The following PCDHGB5 variants were observed in gnomAD, a reference collection of about 807,000 sequenced individuals.
PCDHGB5 encodes protocadherin gamma subfamily B, 5.
In PCDHGB5, 48 loss-of-function variants were observed where a neutral mutation model predicts 62.9. The ratio of observed to expected loss-of-function variants is 0.76; its 90% CI spans 0.61 to 0.97. The LOEUF is 0.97. Among genes scored for constraint, PCDHGB5 ranks in the 50% least tolerant of loss-of-function variants. The pLI is 0.00. For missense variants in PCDHGB5, 1,118 were observed against 1,198.6 expected (o/e 0.93, Z 0.99); for synonymous variants, 474 against 511.2 (o/e 0.93, Z 0.98).
At chr5:141,438,914 C>T (rs1249997741) in intron 1 of PCDHGB5, among the ~76,000 whole-genome samples, 1 of 151,906 alleles carries the variant, frequency 6.6e-6, no homozygotes, top group Non-Finnish European at 1.5e-5. Flanking sequence ...GATCCACCTG[C>T]CTTGGCCTCC....
chr5:141,409,953 CCGG>C (rs1418234891), intron 1 of PCDHGB5: 2 of 1,613,280 alleles, frequency 1.2e-6, no homozygotes, highest in Non-Finnish European at 1.7e-6. Flanking sequence ...TCTGCAGAGC[CCGG>C]CTACCTAGTG....
rs2097456240 is a variant in PCDHGB5, at chr5:141,432,134, G to T, written c.2397+31610G>T. 3 of 1,613,756 alleles carry T rather than the reference G, an allele frequency of 1.9e-6. No individual in the cohort carries two copies. The highest frequency in any genetic ancestry group is 1.3e-5 in the African/African-American group (1 of 74,800). On this transcript the variant is annotated intron_variant, in intron 1 of 3. Coordinates refer to ENST00000617380, the MANE Select transcript of PCDHGB5 (RefSeq NM_018925.3). This position sits in a 1 kb window ranked among gnomAD's most constrained non-coding sequence, Gnocchi z 6.0. The stretch of plus-strand genomic sequence containing the variant: ...GGTCTTCCCTCAGGCCTCCTATTCC[G>T]CTTATATCCCAGAGAACAATCCCAG...
Position 141,460,747 on chromosome 5 carries a change from G to A in PCDHGB5, c.2398-34060G>A, listed in dbSNP as rs148154304. On this transcript the variant is annotated intron_variant, in intron 1 of 3. Transcript: ENST00000617380. ...GCATATATACACATTGTATATATAT[G>A]TGTACATATACATATTGCATATGTA... Among the ~76,000 whole-genome samples, 351 of 151,000 alleles carry A rather than the reference G, an allele frequency of 2.3e-3. 2 individuals are homozygous for A. The highest frequency in any genetic ancestry group is 6.8e-3 in the Middle Eastern group (2 of 294).
chr5:141,486,832 A>G lies in PCDHGB5; in HGVS notation c.2398-7975A>G. 2.5e-6 allele frequency: 4 copies of G among 1,614,182 alleles called. No individual in the cohort carries two copies. Among genetic ancestry groups the G allele is most frequent in the South Asian group, 1.1e-5 (1 of 91,082 alleles). ...TTAGCAGCACTGTAACAGTTCGTCT[A>G]TTTGTGCTGGACCTCAATGACAATG... On this transcript the variant is annotated intron_variant, in intron 1 of 3. Transcript: ENST00000617380. The surrounding 1 kb of genome is among the most constrained non-coding windows in gnomAD (Gnocchi z 5.0).
Position 141,430,867 on chromosome 5 carries a change from G to T in PCDHGB5, c.2397+30343G>T, listed in dbSNP as rs1157718106. ...GCACCCAGATACGCTATTCAGTTCC[G>T]GAAGAGCTGGAGAAAGGCTCTAGGG... On this transcript the variant is annotated intron_variant, in intron 1 of 3. Coordinates refer to ENST00000617380, the MANE Select transcript of PCDHGB5 (RefSeq NM_018925.3). 2.5e-6 allele frequency: 4 copies of T among 1,596,238 alleles called. No individual in the cohort carries two copies. In the East Asian group the frequency reaches 8.9e-5, roughly 36 times the overall value.
chr5:141,457,481 G>T (rs990111430), intron 1 of PCDHGB5, among the ~76,000 whole-genome samples: 1 of 152,212 alleles, frequency 6.6e-6, no homozygotes, highest in African/African-American at 2.4e-5. Context: ...CAGGGCCAGG[G>T]TTAGTCTAAA....
chr5:141,491,857 G>A lies in PCDHGB5; in HGVS notation c.2398-2950G>A. Reference sequence around the variant, plus strand: ...CTCGGGATCATTGGACCGTTTGCGCGAAACCAGAGTGGCCGATTAAGGGAT... The same window carrying A: ...CTCGGGATCATTGGACCGTTTGCGCAAAACCAGAGTGGCCGATTAAGGGAT... On this transcript the variant is annotated intron_variant, in intron 1 of 3. Transcript: ENST00000617380. This position sits in a 1 kb window ranked among gnomAD's most constrained non-coding sequence, Gnocchi z 6.9. The A allele has an allele frequency of 6.9e-7, 1 of 1,457,470 alleles. No homozygotes were observed. The highest frequency in any genetic ancestry group is 1.5e-5 in the South Asian group (1 of 68,508). The allele number at this position is 1,457,470 out of a possible 1,614,324, so 90.3% of individuals were successfully genotyped here. A position where few individuals can be genotyped will look rare whatever the true frequency, so the allele number is the denominator to read the frequency against.
At chr5:141,504,570 AC>A (rs1468526948) in intron 2 of PCDHGB5, among the ~76,000 whole-genome samples, 1 of 148,874 alleles carries the variant, frequency 6.7e-6, no homozygotes, top group Admixed American at 6.9e-5. Flanking sequence ...ATTCTAGGGA[AC>A]ACCATCTGCC....
rs143638501 is a variant in PCDHGB5, at chr5:141,486,817, T to C, written c.2398-7990T>C. On this transcript the variant is annotated intron_variant, in intron 1 of 3. Coordinates refer to ENST00000617380, the MANE Select transcript of PCDHGB5 (RefSeq NM_018925.3). This position sits in a 1 kb window ranked among gnomAD's most constrained non-coding sequence, Gnocchi z 5.0. ...GGGGCAACCCACCCCTTAGCAGCACTGTAACAGTTCGTCTATTTGTGCTGG... is the reference window on the plus strand; with the variant it reads ...GGGGCAACCCACCCCTTAGCAGCACCGTAACAGTTCGTCTATTTGTGCTGG... 153 of 1,614,220 alleles carry C rather than the reference T, an allele frequency of 9.5e-5. 1 individual carries two copies. In the African/African-American group the frequency reaches 1.4e-3, roughly 15 times the overall value.
intron 1 of PCDHGB5, chr5:141,410,151 G>A: frequency 6.2e-7 from 1 of 1,613,018 alleles, no homozygotes; most frequent in Non-Finnish European, 8.5e-7. Flanking sequence ...CGTGACGGTG[G>A]ACAGCCGCCA....
intron 1 of PCDHGB5, chr5:141,421,690 C>T: frequency 6.2e-7 from 1 of 1,613,948 alleles, no homozygotes. Context: ...GCGATTTGCT[C>T]TTCCTAATGC....
rs1449032006 is a variant in PCDHGB5 at position 141,438,617 on chromosome 5, TATATATATATATATATATAC to T, written c.2397+38095_2397+38114del. 2.9e-3 allele frequency among the ~76,000 whole-genome samples: 107 copies of T among 37,156 alleles called. 1 individual carries two copies. Among genetic ancestry groups the T allele is most frequent in the South Asian group, 0.015 (15 of 996 alleles). 24.4% of individuals were successfully genotyped at this position (37,156 alleles called of 152,430 possible). On this transcript the variant is annotated intron_variant, in intron 1 of 3. Transcript: ENST00000617380. Reference sequence around the variant, plus strand: ...ATATATATATATATATATATATATATATATATATATATATATATACACACACACACACACATATATGTATA... The same window carrying T: ...ATATATATATATATATATATATATATACACACACACACACATATATGTATA...
At chr5:141,466,450 G>T (rs139024933) in intron 1 of PCDHGB5, among the ~76,000 whole-genome samples, 1 of 152,172 alleles carries the variant, frequency 6.6e-6, no homozygotes, top group Non-Finnish European at 1.5e-5. Context: ...TGTCTATGGT[G>T]TTGGCTATTG....
Position 141,413,313 on chromosome 5 carries a change from C to T in PCDHGB5, c.2397+12789C>T, listed in dbSNP as rs1346034749. The T allele has an allele frequency of 1.9e-6, 3 of 1,613,842 alleles. No homozygotes were observed. The African/African-American group carries it at 4.0e-5, about 22-fold the overall frequency. On this transcript the variant is annotated intron_variant, in intron 1 of 3. Transcript: ENST00000617380. The stretch of plus-strand genomic sequence containing the variant: ...CAATTCCTGAGGAATTAGAGAAAGG[C>T]TCTTTCGTGGGCAACATCTCCAAGG...
chr5:141,413,032 C>A, intron 1 of PCDHGB5: 1 of 766,948 alleles, frequency 1.3e-6, no homozygotes, highest in Non-Finnish European at 2.0e-6. Context: ...CACAAACCGG[C>A]TGCTGGGCTG....
intron 1 of PCDHGB5, chr5:141,419,929 T>C: frequency 6.2e-7 from 1 of 1,614,076 alleles, no homozygotes; most frequent in Non-Finnish European, 8.5e-7. Context: ...AGATGCAGTT[T>C]TACCTGGTGG....
intron 1 of PCDHGB5, among the ~76,000 whole-genome samples, chr5:141,449,909 A>G (rs2098658849): frequency 6.6e-6 from 1 of 151,828 alleles, no homozygotes; most frequent in Non-Finnish European, 1.5e-5. Context: ...TATAGTCCAT[A>G]TTTAAATTCT....
rs1370450155 is a variant in PCDHGB5, at chr5:141,431,480, G to T, written c.2397+30956G>T. On this transcript the variant is annotated intron_variant, in intron 1 of 3. Coordinates refer to ENST00000617380, the MANE Select transcript of PCDHGB5 (RefSeq NM_018925.3). This position sits in a 1 kb window ranked among gnomAD's most constrained non-coding sequence, Gnocchi z 4.8. Reference sequence around the variant, plus strand: ...TCTGGATGCGAACGACAACGCACCAGCGTTTGCTCAGCCCGAGTACCGCGC... The same window carrying T: ...TCTGGATGCGAACGACAACGCACCATCGTTTGCTCAGCCCGAGTACCGCGC... 3 of 1,613,924 alleles carry T rather than the reference G, an allele frequency of 1.9e-6. No individual in the cohort carries two copies. Among genetic ancestry groups the T allele is most frequent in the Non-Finnish European group, 2.5e-6 (3 of 1,179,990 alleles).
Position 141,487,649 on chromosome 5 carries a change from G to T in PCDHGB5, c.2398-7158G>T. The T allele has an allele frequency of 1.2e-6, 2 of 1,614,020 alleles. No individual in the cohort carries two copies. The highest frequency in any genetic ancestry group is 1.7e-6 in the Non-Finnish European group (2 of 1,179,968). The stretch of plus-strand genomic sequence containing the variant: ...TTTGCAGGCTCAACAAATGCTTGAG[G>T]GTTATTCTGATCCAGGCATATGGCT... On this transcript the variant is annotated intron_variant, in intron 1 of 3. Coordinates refer to ENST00000617380, the MANE Select transcript of PCDHGB5 (RefSeq NM_018925.3). This position sits in a 1 kb window ranked among gnomAD's most constrained non-coding sequence, Gnocchi z 5.0.
Sources: gnomAD v4.1 joint callset for allele counts (sites outside exome capture counted in the v4.1 genomes callset) on GRCh38, gnomAD v4.1.1 for gene constraint, Gnocchi (gnomAD v3.1) non-coding constraint, MANE v1.5 for transcripts, NCBI Gene and HGNC (gene_info 2026-07-23, HGNC 2026-07-21) for gene names.